CATSPERG: variants seen among roughly 807,000 people sequenced by gnomAD.
CATSPERG encodes cation channel sperm-associated auxiliary subunit gamma.
CATSPERG carries 115 observed loss-of-function variants against 145.0 expected under a neutral mutation model. That is an observed-to-expected ratio of 0.79 (90% CI 0.68 to 0.93). The LOEUF (loss-of-function observed/expected upper bound fraction) is 0.93. Ranked by LOEUF, CATSPERG falls within the 40% of genes least tolerant of loss-of-function variation. The pLI, the probability that CATSPERG is intolerant of heterozygous loss-of-function variation, is 0.00. For missense variants in CATSPERG, 1,296 were observed against 1,490.1 expected, an observed-to-expected ratio of 0.87 and a Z score of 2.14; for synonymous variants, 588 against 589.0, an observed-to-expected ratio of 1.00 and a Z score of 0.02.
intron 22 of CATSPERG, 32 bp downstream of exon 22, chr19:38,365,149 G>A (rs1185522654): frequency 1.9e-6 from 3 of 1,595,486 alleles, no homozygotes; most frequent in East Asian, 2.2e-5. Flanking sequence ...GGCCCTGGGA[G>A]GGGAAGGTTG....
intron 7 of CATSPERG, 116 bp from the exon 8 acceptor site, chr19:38,352,145 G>C: frequency 9.7e-7 from 1 of 1,028,846 alleles, no homozygotes; most frequent in Non-Finnish European, 1.4e-6. Context: ...AGCGCCCTGG[G>C]GCAGCTACAT....
rs2145118321 is a variant in CATSPERG at position 38,370,188 on chromosome 19, A to G, written c.3143A>G (p.Tyr1048Cys). 6.2e-7 allele frequency: 1 copy of G among 1,613,914 alleles called. No homozygotes were observed. Among genetic ancestry groups the G allele is most frequent in the East Asian group, 2.2e-5 (1 of 44,884 alleles). The change falls in exon 28 of 29, where the codon TAC (tyrosine) becomes TGC (cysteine). Residue 1048 changes from tyrosine (Y) to cysteine (C), a missense_variant. Physicochemically the swap from Tyr to Cys is radical, Grantham distance 194. Transcript: ENST00000409235. Reference sequence around the variant, plus strand: ...GTGGACACGAGCACCTACTGCAACTACCAGCTCACCTTCCTGCTGCACATC... The same window carrying G: ...GTGGACACGAGCACCTACTGCAACTGCCAGCTCACCTTCCTGCTGCACATC... ...RGVDTSTYCNYQLTFLLHIHG... is the reference protein window; with the variant it reads ...RGVDTSTYCNCQLTFLLHIHG...
chr19:38,355,581 C>T (rs1047729758), intron 9 of CATSPERG, among the ~76,000 whole-genome samples: 15 of 151,906 alleles, frequency 9.9e-5, no homozygotes, highest in African/African-American at 3.4e-4. Flanking sequence ...CCTGTAGTCC[C>T]AGCTACTTGG....
chr19:38,350,108 A>G (rs572610162), intron 7 of CATSPERG, among the ~76,000 whole-genome samples: 1 of 152,212 alleles, frequency 6.6e-6, no homozygotes, highest in Admixed American at 6.6e-5. Flanking sequence ...AGGGCAAGCC[A>G]TTTTCTTTTA....
chr19:38,353,933 G>A (rs1431694416), intron 8 of CATSPERG, among the ~76,000 whole-genome samples: 2 of 139,886 alleles, frequency 1.4e-5, no homozygotes, highest in Non-Finnish European at 3.0e-5. Context: ...CGGGGCTGCA[G>A]TGAGCCAAGA....
At position 38,362,428 on chromosome 19, in the gene CATSPERG, T is replaced by C. The variant is rs1333191955; in HGVS notation, c.2210T>C (p.Ile737Thr). The stretch of plus-strand genomic sequence containing the variant: ...TGGCGAAGCGCGGGCGGCGTGTCCA[T>C]AGAAATGGACAGCTACGAAAAGATC... ...SNWRSAGGVS[I>T]EMDSYEKIYN... Residue 737 changes from isoleucine to threonine, a missense_variant, in exon 19 of 29, where the codon ATA becomes ACA. Transcript: ENST00000409235. The C allele has an allele frequency of 6.2e-7, 1 of 1,613,940 alleles. No homozygotes were observed. Among genetic ancestry groups the C allele is most frequent in the African/African-American group, 1.3e-5 (1 of 74,918 alleles).
intron 14 of CATSPERG, 187 bp downstream of exon 14, chr19:38,359,768 C>T: frequency 7.4e-7 from 1 of 1,351,794 alleles, no homozygotes. Context: ...GCTCCAAAGT[C>T]ACGCAGACCG....
At chr19:38,340,602 G>A (rs1280970438) in intron 3 of CATSPERG, among the ~76,000 whole-genome samples, 1 of 151,894 alleles carries the variant, frequency 6.6e-6, no homozygotes, top group Non-Finnish European at 1.5e-5. Context: ...TTATAGATGT[G>A]AGCCACCGCG....
chr19:38,363,245 G>T (rs1970384958), intron 20 of CATSPERG, among the ~76,000 whole-genome samples: 1 of 152,096 alleles, frequency 6.6e-6, no homozygotes, highest in African/African-American at 2.4e-5. Context: ...TTACCATGTT[G>T]GCCAGGCTAG....
At chr19:38,365,164 C>T (rs771594878) in intron 22 of CATSPERG, 47 bp downstream of exon 22, 45 of 1,536,224 alleles carry the variant, frequency 2.9e-5, no homozygotes, top group South Asian at 1.5e-4. Flanking sequence ...AGGTTGGGGT[C>T]GGGTCTCAAC....
intron 1 of CATSPERG, chr19:38,336,726 G>A (rs2145054620): frequency 7.9e-6 from 2 of 252,654 alleles, no homozygotes; most frequent in African/African-American, 2.3e-5. Flanking sequence ...CTTAAGAGGG[G>A]GACTGTCAAA....
chr19:38,341,865 A>G (rs1435307673), intron 3 of CATSPERG, among the ~76,000 whole-genome samples: 1 of 151,886 alleles, frequency 6.6e-6, no homozygotes, highest in Non-Finnish European at 1.5e-5. Context: ...TGGCGCCCTT[A>G]TACTCCAGCC....
At position 38,337,770 on chromosome 19, in the gene CATSPERG, G is replaced by C. The variant is rs530014216; in HGVS notation, c.324+124G>C. ...GTCTTGCGCTGTTGCCCAGACTGGA[G>C]TGCAGTGGCGCGATCTCGGCTCACT... On this transcript the variant is annotated intron_variant, in intron 3 of 28. Coordinates refer to ENST00000409235, the MANE Select transcript of CATSPERG (RefSeq NM_021185.5). 1.6e-5 allele frequency: 14 copies of C among 862,844 alleles called. No individual in the cohort carries two copies. The East Asian group carries it at 2.8e-4, about 18-fold the overall frequency. The allele number at this position is 862,844 out of a possible 1,614,324, so 53.4% of individuals were successfully genotyped here.
At position 38,368,143 on chromosome 19, in the gene CATSPERG, T is replaced by C; in HGVS notation, c.3020+6T>C. 6.2e-7 allele frequency: 1 copy of C among 1,613,376 alleles called. No individual in the cohort carries two copies. Among genetic ancestry groups the C allele is most frequent in the Middle Eastern group, 1.7e-4 (1 of 6,060 alleles). On this transcript the variant is annotated splice_donor_region_variant and intron_variant, in intron 26 of 28. Coordinates refer to ENST00000409235, the MANE Select transcript of CATSPERG (RefSeq NM_021185.5). The stretch of plus-strand genomic sequence containing the variant: ...CACGAGAGCCCAGGCATCGAGTGAG[T>C]GCGTAGCCTGGCCCCTCTTGGCCCC...
rs765585134 is a variant in CATSPERG at position 38,370,829 on chromosome 19, C to T, written c.*37C>T. 24 of 1,603,500 alleles carry T rather than the reference C, an allele frequency of 1.5e-5. No homozygotes were observed. The highest frequency in any genetic ancestry group is 2.0e-5 in the Non-Finnish European group (23 of 1,172,832). On this transcript the variant is annotated 3_prime_UTR_variant, in exon 29 of 29. Transcript: ENST00000409235. ...GCCCCAGCCCCCAGTTACTGTCACG[C>T]CTCTCTTATGAGGCCCATCTTGAAG... is the stretch of plus-strand genomic sequence containing the variant.
At chr19:38,358,969 A>C (rs58728151) in intron 13 of CATSPERG, among the ~76,000 whole-genome samples, 43,929 of 151,466 alleles carry the variant, frequency 0.29, 6,989 homozygotes, top group East Asian at 0.58. Context: ...CCTGCATCAG[A>C]CTCCCGAGTA....
intron 20 of CATSPERG, among the ~76,000 whole-genome samples, chr19:38,364,006 G>A (rs984464159): frequency 6.6e-6 from 1 of 152,122 alleles, no homozygotes; most frequent in Admixed American, 6.5e-5. Flanking sequence ...GGTGGTGGCC[G>A]GGCAGAGGGG....
chr19:38,356,509 G>A lies in CATSPERG; in HGVS notation c.1161G>A (p.Leu387=), dbSNP rs1300732484. The change falls in exon 10 of 29, where the codon CTG becomes CTA. Residue 387 remains leucine (L), a synonymous_variant. Transcript: ENST00000409235. ...IRDGQVSFEM[L]PRQWSVCEQI... is the part of the protein sequence containing the mutation. ...ATGGCCAGGTGTCCTTTGAGATGCT[G>A]CCCAGGCAGTGGTCTGTGTGCGAGC... 30 of 1,613,898 alleles carry A rather than the reference G, an allele frequency of 1.9e-5. No individual in the cohort carries two copies. Among genetic ancestry groups the A allele is most frequent in the Non-Finnish European group, 2.5e-5 (30 of 1,180,002 alleles).
At chr19:38,337,697 A>G in intron 3 of CATSPERG, 51 bp downstream of exon 3, 1 of 1,402,912 alleles carries the variant, frequency 7.1e-7, no homozygotes, top group Non-Finnish European at 9.7e-7. Flanking sequence ...TGGTTTTCCC[A>G]CCTCTAACAT....
Sources: gnomAD v4.1 joint callset for allele counts (sites outside exome capture counted in the v4.1 genomes callset) on GRCh38, gnomAD v4.1.1 for gene constraint, MANE v1.5 for transcripts, NCBI Gene and HGNC (gene_info 2026-07-23, HGNC 2026-07-21) for gene names.